The following DNAJC13 variants were observed in gnomAD, a reference collection of about 807,000 sequenced individuals.
DNAJC13 encodes the protein DnaJ heat shock protein family (Hsp40) member C13.
A neutral mutation model predicts 290.5 loss-of-function variants in DNAJC13; 75 were observed. That is an observed-to-expected ratio of 0.26 (90% CI 0.21 to 0.31). The LOEUF is 0.31. Among genes scored for constraint, DNAJC13 ranks in the 10% least tolerant of loss-of-function variants. The pLI is 1.00. For synonymous variants in DNAJC13, 862 were observed against 892.0 expected (o/e 0.97, Z 0.60); for missense variants, 2,260 against 2,674.5 (o/e 0.85, Z 3.42).
intron 13 of DNAJC13, among the ~76,000 whole-genome samples, chr3:132,458,963 T>C (rs950378927): frequency 2.0e-4 from 31 of 152,226 alleles, no homozygotes; most frequent in African/African-American, 6.8e-4. Context: ...TATTCATGTT[T>C]AATTTTAATT....
intron 31 of DNAJC13, among the ~76,000 whole-genome samples, chr3:132,489,730 T>C (rs1367730810): frequency 6.6e-6 from 1 of 152,084 alleles, no homozygotes; most frequent in Non-Finnish European, 1.5e-5. Context: ...AAATTATATG[T>C]TTTATAGAGC....
intron 26 of DNAJC13, among the ~76,000 whole-genome samples, chr3:132,481,017 G>C (rs1198843042): frequency 6.6e-6 from 1 of 152,084 alleles, no homozygotes; most frequent in Non-Finnish European, 1.5e-5. Context: ...ATTACAACAG[G>C]TACTGTTCTG....
chr3:132,516,617 T>G (rs1160091550), intron 47 of DNAJC13, 87 bp from the exon 48 acceptor site: 6 of 1,520,584 alleles, frequency 3.9e-6, no homozygotes, highest in Non-Finnish European at 4.5e-6. Context: ...TTTTAAAAAC[T>G]ACATTCAGTT....
chr3:132,465,860 CTA>C, intron 17 of DNAJC13, 133 bp from the exon 18 acceptor site: 2 of 563,848 alleles, frequency 3.5e-6, no homozygotes, highest in East Asian at 2.9e-5. Flanking sequence ...TTTTTAATAA[CTA>C]TTTTTAACAT....
At chr3:132,489,508 T>G (rs1934998127) in intron 31 of DNAJC13, among the ~76,000 whole-genome samples, 1 of 152,070 alleles carries the variant, frequency 6.6e-6, no homozygotes, top group Admixed American at 6.6e-5. Context: ...AAAACTTATT[T>G]AGGTAGTTTT....
At chr3:132,438,043 C>T (rs1158366436) in intron 2 of DNAJC13, among the ~76,000 whole-genome samples, 3 of 124,802 alleles carry the variant, frequency 2.4e-5, no homozygotes, top group Admixed American at 8.2e-5. Flanking sequence ...AGAGTAAGAC[C>T]GTGTCTCAAA....
chr3:132,447,583 T>C, intron 4 of DNAJC13, 113 bp downstream of exon 4: 1 of 1,121,240 alleles, frequency 8.9e-7, no homozygotes, highest in Non-Finnish European at 1.2e-6. Context: ...ACTATGATTA[T>C]TTTTTTCTTA....
At chr3:132,486,206 C>T (rs1339031386) in intron 29 of DNAJC13, among the ~76,000 whole-genome samples, 1 of 148,406 alleles carries the variant, frequency 6.7e-6, no homozygotes, top group African/African-American at 2.5e-5. Flanking sequence ...AAAAGCACTG[C>T]AATTATTGAG....
Position 132,456,363 on chromosome 3 carries a change from T to C in DNAJC13, c.1061T>C (p.Val354Ala), listed in dbSNP as rs1268763910. 3.1e-6 allele frequency: 5 copies of C among 1,613,758 alleles called. No homozygotes were observed. The highest frequency in any genetic ancestry group is 4.2e-6 in the Non-Finnish European group (5 of 1,179,866). ...CTCAGCATGCCTGTTGATGAGGAAG[T>C]AGAGAGCCTTCACCTCAGGTTCTTA... ...GLLSMPVDEE[V>A]ESLHLRFLAT... Residue 354 changes from valine to alanine, a missense_variant, in exon 10 of 56, where the codon GTA becomes GCA. Coordinates refer to ENST00000260818, the MANE Select transcript of DNAJC13 (RefSeq NM_015268.4).
intron 31 of DNAJC13, 116 bp from the exon 32 acceptor site, chr3:132,490,781 A>AT: frequency 9.2e-7 from 1 of 1,087,598 alleles, no homozygotes; most frequent in African/African-American, 1.6e-5. Flanking sequence ...CATAAAAGCA[A>AT]TTTGTTCCAA....
intron 55 of DNAJC13, 73 bp downstream of exon 55, chr3:132,531,170 G>A: frequency 7.6e-7 from 1 of 1,318,298 alleles, no homozygotes. Flanking sequence ...GCCCTAAATA[G>A]ACTTAAAATT....
intron 38 of DNAJC13, 147 bp from the exon 39 acceptor site, chr3:132,500,647 C>A: frequency 2.8e-6 from 3 of 1,078,492 alleles, no homozygotes; most frequent in Non-Finnish European, 3.9e-6. Context: ...GACTAGTGAT[C>A]TAGTAAAGAC....
At chr3:132,476,543 C>T (rs776522074) in intron 22 of DNAJC13, among the ~76,000 whole-genome samples, 1 of 152,168 alleles carries the variant, frequency 6.6e-6, no homozygotes, top group Admixed American at 6.5e-5. Flanking sequence ...TGCTCAAACC[C>T]TTGGTGCTCT....
chr3:132,539,015 ACTG>A lies in DNAJC13; in HGVS notation c.*736_*738del, dbSNP rs986714404. 1.3e-5 allele frequency: 2 copies of A among 152,746 alleles called. No homozygotes were observed. The highest frequency in any genetic ancestry group is 4.8e-5 in the African/African-American group (2 of 41,570). 9.5% of individuals were successfully genotyped at this position (152,746 alleles called of 1,614,324 possible). ...AAAATTTTAAAAATAAAGGGAATTG[ACTG>A]CTTTGTTAATGAGATATATTTGTTC... On this transcript the variant is annotated 3_prime_UTR_variant, in exon 56 of 56. Transcript: ENST00000260818.
At chr3:132,418,077 G>C (rs560453798) in intron 1 of DNAJC13, among the ~76,000 whole-genome samples, 2 of 151,914 alleles carry the variant, frequency 1.3e-5, no homozygotes, top group East Asian at 3.9e-4. Context: ...TCATTCCCTT[G>C]TGGGTTCCGC....
At position 132,461,085 on chromosome 3, in the gene DNAJC13, C is replaced by T. The variant is rs757375629; in HGVS notation, c.1593C>T (p.Leu531=). 2.5e-6 allele frequency: 4 copies of T among 1,613,956 alleles called. No homozygotes were observed. In the South Asian group the frequency reaches 3.3e-5, roughly 13 times the overall value. Residue 531 remains leucine, a synonymous_variant, in exon 15 of 56, where the codon CTC becomes CTT. Coordinates refer to ENST00000260818, the MANE Select transcript of DNAJC13 (RefSeq NM_015268.4). ...HGTGALVISS[L]LDFLTFALCA... is the part of the protein sequence containing the mutation. Reference sequence around the variant, plus strand: ...CTGGTGCCCTAGTTATTAGTTCGCTCTTGGACTTCCTTACCTTTGCCCTCT... The same window carrying T: ...CTGGTGCCCTAGTTATTAGTTCGCTTTTGGACTTCCTTACCTTTGCCCTCT...
Position 132,511,056 on chromosome 3 carries a change from G to T in DNAJC13, c.5116-11G>T. Reference sequence around the variant, plus strand: ...ACCCATGTTGTTTAAATACTTGTCTGCATTGATTAGGTTCCAAAAGCATTT... The same window carrying T: ...ACCCATGTTGTTTAAATACTTGTCTTCATTGATTAGGTTCCAAAAGCATTT... On this transcript the variant is annotated splice_polypyrimidine_tract_variant and intron_variant, in intron 43 of 55. Coordinates refer to ENST00000260818, the MANE Select transcript of DNAJC13 (RefSeq NM_015268.4). 2 of 1,613,034 alleles carry T rather than the reference G, an allele frequency of 1.2e-6. 1 individual carries two copies. Among genetic ancestry groups the T allele is most frequent in the Middle Eastern group, 3.3e-4 (2 of 6,052 alleles).
intron 2 of DNAJC13, among the ~76,000 whole-genome samples, chr3:132,435,586 T>C (rs928688765): frequency 6.6e-6 from 1 of 152,190 alleles, no homozygotes; most frequent in Non-Finnish European, 1.5e-5. Context: ...TTGTATGAAC[T>C]CCTAAATTAG....
chr3:132,514,446 T>G, intron 45 of DNAJC13, 125 bp from the exon 46 acceptor site: 1 of 612,122 alleles, frequency 1.6e-6, no homozygotes, highest in Non-Finnish European at 2.8e-6. Context: ...AATTAAACTC[T>G]TATCTAAAAA....
Sources: gnomAD v4.1 joint callset for allele counts (sites outside exome capture counted in the v4.1 genomes callset) on GRCh38, gnomAD v4.1.1 for gene constraint, MANE v1.5 for transcripts, NCBI Gene and HGNC (gene_info 2026-07-23, HGNC 2026-07-21) for gene names.